RASSF4: variants seen among roughly 807,000 people sequenced by gnomAD.
RASSF4 encodes ras association domain-containing protein 4.
RASSF4 carries 38 observed loss-of-function variants against 41.1 expected under a neutral mutation model. The ratio of observed to expected loss-of-function variants is 0.92; its 90% CI spans 0.71 to 1.21. The LOEUF (loss-of-function observed/expected upper bound fraction) is 1.21, where lower values mean the gene tolerates loss of function less well. Among genes scored for constraint, RASSF4 ranks in the 50% most tolerant of loss-of-function variants. The pLI is 0.00. For synonymous variants in RASSF4, 179 were observed against 163.4 expected, an observed-to-expected ratio of 1.10 and a Z score of -0.73; for missense variants, 414 against 419.4, an observed-to-expected ratio of 0.99 and a Z score of 0.11.
intron 1 of RASSF4, among the ~76,000 whole-genome samples, chr10:44,964,687 A>G (rs946771607): frequency 3.3e-5 from 5 of 152,222 alleles, no homozygotes; most frequent in African/African-American, 1.2e-4. Flanking sequence ...GGCCCCACCC[A>G]GTGCACTTGG....
chr10:44,985,086 A>G (rs1841871037), intron 6 of RASSF4, 116 bp downstream of exon 6: 5 of 1,202,692 alleles, frequency 4.2e-6, no homozygotes, highest in South Asian at 2.8e-5. Flanking sequence ...CCTCAGGAGG[A>G]AAAACCAGGT....
intron 5 of RASSF4, 87 bp downstream of exon 5, chr10:44,984,200 G>C (rs1023589981): frequency 6.0e-6 from 8 of 1,330,422 alleles, no homozygotes; most frequent in Non-Finnish European, 8.1e-6. Context: ...ATCTCCGAAG[G>C]ACAGCTTTGT....
At chr10:44,989,804 T>C (rs375253704) in intron 8 of RASSF4, 83 bp downstream of exon 8, 12 of 1,219,332 alleles carry the variant, frequency 9.8e-6, no homozygotes, top group South Asian at 9.7e-5. Flanking sequence ...AACCACTGAC[T>C]GTACTCCCTT....
intron 3 of RASSF4, chr10:44,977,315 G>C: frequency 1.3e-6 from 2 of 1,491,588 alleles, no homozygotes; most frequent in South Asian, 1.4e-5. Flanking sequence ...CCTGCCAGGG[G>C]CAGTGACCAC....
At chr10:44,990,609 T>C (rs1487963531) in intron 8 of RASSF4, 1 of 171,626 alleles carries the variant, frequency 5.8e-6, no homozygotes, top group East Asian at 1.6e-4. Context: ...CTCTGGTGAT[T>C]AACTCCATCA....
chr10:44,966,405 G>T (rs1840905064), intron 1 of RASSF4, among the ~76,000 whole-genome samples: 1 of 152,194 alleles, frequency 6.6e-6, no homozygotes, highest in African/African-American at 2.4e-5. Flanking sequence ...AGTGGACTAG[G>T]AGAGGTCCCC....
chr10:44,970,275 G>T lies in RASSF4; in HGVS notation c.62+11G>T. On this transcript the variant is annotated intron_variant, in intron 2 of 10. Coordinates refer to ENST00000340258, the MANE Select transcript of RASSF4 (RefSeq NM_032023.4). ...CAAGTCCATTCAGAAGTAAGCCTTG[G>T]TGTGCAGGTTGGGCGGGGGAGTCTT... is the stretch of plus-strand genomic sequence containing the variant. 6.2e-7 allele frequency: 1 copy of T among 1,612,834 alleles called. No homozygotes were observed. Among genetic ancestry groups the T allele is most frequent in the Non-Finnish European group, 8.5e-7 (1 of 1,178,798 alleles).
At chr10:44,982,223 G>C in intron 3 of RASSF4, 1 of 433,986 alleles carries the variant, frequency 2.3e-6, no homozygotes, top group Non-Finnish European at 4.1e-6. Flanking sequence ...CTTCTTCACC[G>C]CGGTGTGGAC....
intron 2 of RASSF4, chr10:44,971,351 C>A (rs1841150611): frequency 5.3e-6 from 2 of 379,260 alleles, no homozygotes; most frequent in Admixed American, 6.3e-5. Flanking sequence ...TGGCCCGCAG[C>A]AGCCACAGCA....
chr10:44,960,000 C>G (rs2132755012), intron 1 of RASSF4, 134 bp downstream of exon 1: 1 of 152,422 alleles, frequency 6.6e-6, no homozygotes, highest in African/African-American at 2.4e-5. Flanking sequence ...GTCCCTCCCC[C>G]GCCAGCCTGG....
At chr10:44,962,677 C>T (rs72780658) in intron 1 of RASSF4, among the ~76,000 whole-genome samples, 14,733 of 152,234 alleles carry the variant, frequency 0.097, 1,024 homozygotes, top group East Asian at 0.35. Flanking sequence ...ATTTTGAGCA[C>T]GTTTGGCCCG....
chr10:44,982,395 A>G, intron 3 of RASSF4, 126 bp from the exon 4 acceptor site: 1 of 1,187,760 alleles, frequency 8.4e-7, no homozygotes, highest in Non-Finnish European at 1.2e-6. Flanking sequence ...GTCCTTCCTG[A>G]GGGGATGGGG....
intron 6 of RASSF4, among the ~76,000 whole-genome samples, chr10:44,985,230 G>A (rs1256748271): frequency 4.6e-5 from 7 of 152,218 alleles, no homozygotes; most frequent in African/African-American, 7.2e-5. Context: ...AACGCTGACC[G>A]TGTCTTCAAT....
intron 1 of RASSF4, among the ~76,000 whole-genome samples, chr10:44,963,602 T>C (rs927055121): frequency 6.6e-6 from 1 of 152,204 alleles, no homozygotes; most frequent in Non-Finnish European, 1.5e-5. Context: ...GCACTTGCTG[T>C]CCTCCACCAG....
chr10:44,991,287 G>A (rs1842102374), intron 9 of RASSF4: 1 of 432,088 alleles, frequency 2.3e-6, no homozygotes, highest in Non-Finnish European at 4.1e-6. Context: ...AAGAATTTGG[G>A]TCCTATAAAA....
At chr10:44,979,330 G>T (rs1290781225) in intron 3 of RASSF4, among the ~76,000 whole-genome samples, 1 of 152,226 alleles carries the variant, frequency 6.6e-6, no homozygotes, top group Non-Finnish European at 1.5e-5. Context: ...GGTGCTTTCG[G>T]AGGATTTGTT....
chr10:44,983,939 A>C, intron 4 of RASSF4, 83 bp from the exon 5 acceptor site: 1 of 1,549,590 alleles, frequency 6.5e-7, no homozygotes, highest in South Asian at 1.2e-5. Flanking sequence ...GTCCTACCCC[A>C]GGGGCTGCTG....
At chr10:44,967,175 A>G (rs148717322) in intron 1 of RASSF4, among the ~76,000 whole-genome samples, 1 of 152,300 alleles carries the variant, frequency 6.6e-6, no homozygotes, top group East Asian at 1.9e-4. Flanking sequence ...TCTGGTCCAC[A>G]GTCACTCAGG....
At chr10:44,978,319 A>G (rs1048511147) in intron 3 of RASSF4, 4 of 370,608 alleles carry the variant, frequency 1.1e-5, no homozygotes, top group Non-Finnish European at 1.4e-5. Flanking sequence ...TGGTCAGAGG[A>G]AGGCTGGGTT....
Sources: gnomAD v4.1 joint callset for allele counts (sites outside exome capture counted in the v4.1 genomes callset) on GRCh38, gnomAD v4.1.1 for gene constraint, MANE v1.5 for transcripts, NCBI Gene and HGNC (gene_info 2026-07-23, HGNC 2026-07-21) for gene names.